Variants in VIT observed in about 807,000 individuals in gnomAD.
The protein encoded by VIT is vitrin.
In VIT, 99 loss-of-function variants were observed where a neutral mutation model predicts 78.0. That is an observed-to-expected ratio of 1.27 (90% CI 1.08 to 1.50). VIT has a LOEUF of 1.50. Ranked by LOEUF, VIT falls within the 40% of genes most tolerant of loss-of-function variation. The pLI, the probability that VIT is intolerant of heterozygous loss-of-function variation, is 0.00. For synonymous variants in VIT, 374 were observed against 334.3 expected (o/e 1.12, Z -1.29); for missense variants, 1,126 against 875.3 (o/e 1.29, Z -3.61).
rs145620869 is a variant in VIT at position 36,794,601 on chromosome 2, C to G, written c.1059-6700C>G. On this transcript the variant is annotated intron_variant, in intron 12 of 15. Coordinates refer to ENST00000379242, the MANE Select transcript of VIT (RefSeq NM_053276.4). ...TTAACAAATATTTCTTAAATGTTTG[C>G]CATGTACTGCGCCCTTGGTCATTTG... Among the ~76,000 whole-genome samples the G allele has an allele frequency of 5.1e-3, 769 of 152,232 alleles. 7 individuals carry two copies. The highest frequency in any genetic ancestry group is 0.018 in the African/African-American group (732 of 41,520).
intron 3 of VIT, among the ~76,000 whole-genome samples, chr2:36,735,212 T>A (rs1667442555): frequency 6.6e-6 from 1 of 150,532 alleles, no homozygotes; most frequent in Non-Finnish European, 1.5e-5. Context: ...GGCATGGGGG[T>A]CTTACAAAGA....
rs143002391 is a variant in VIT at position 36,805,498 on chromosome 2, G to C, written c.1223G>C (p.Gly408Ala). 21 of 1,613,820 alleles carry C rather than the reference G, an allele frequency of 1.3e-5. No individual in the cohort carries two copies. The highest frequency in any genetic ancestry group is 1.8e-5 in the Non-Finnish European group (21 of 1,179,974). Residue 408 changes from glycine (G) to alanine (A), a missense_variant, in exon 14 of 16, where the codon GGG (glycine) becomes GCG (alanine). By Grantham distance (60) the Gly-to-Ala change is moderately conservative. Transcript: ENST00000379242. Reference sequence around the variant, plus strand: ...TCCAAAGCCAATGGAAACAGAAGCGGGGCTCCCAATGTGGTGGTGGTGATG... The same window carrying C: ...TCCAAAGCCAATGGAAACAGAAGCGCGGCTCCCAATGTGGTGGTGGTGATG... ...FFSKANGNRS[G>A]APNVVVVMVD...
rs568338515 is a variant in VIT, at chr2:36,715,328, A to T, written c.-18-1025A>T. On this transcript the variant is annotated intron_variant, in intron 1 of 15. Coordinates refer to ENST00000379242, the MANE Select transcript of VIT (RefSeq NM_053276.4). The stretch of plus-strand genomic sequence containing the variant: ...GCCGAGGCAGGTGGATCACAAGGTC[A>T]GGAGTTCAAGACCACATGGCCAAGA... 5.9e-5 allele frequency among the ~76,000 whole-genome samples: 9 copies of T among 152,266 alleles called. No individual in the cohort carries two copies. In the South Asian group the frequency reaches 1.9e-3, roughly 32 times the overall value.
intron 9 of VIT, among the ~76,000 whole-genome samples, chr2:36,778,527 A>G (rs1015079258): frequency 6.6e-6 from 1 of 152,224 alleles, no homozygotes; most frequent in Non-Finnish European, 1.5e-5. Context: ...TAATGTTTCC[A>G]AGAGAAAAGG....
intron 2 of VIT, among the ~76,000 whole-genome samples, chr2:36,723,549 A>G (rs1666643783): frequency 6.6e-6 from 1 of 152,228 alleles, no homozygotes; most frequent in Non-Finnish European, 1.5e-5. Flanking sequence ...CATTTTTAAC[A>G]TTAAAAAGAT....
At position 36,814,287 on chromosome 2, in the gene VIT, G is replaced by A; in HGVS notation, c.2008G>A (p.Asp670Asn). The A allele has an allele frequency of 1.2e-6, 2 of 1,614,196 alleles. No homozygotes were observed. Among genetic ancestry groups the A allele is most frequent in the South Asian group, 2.2e-5 (2 of 91,086 alleles). The change falls in exon 16 of 16, where the codon GAC becomes AAC. Residue 670 changes from aspartate to asparagine, a missense_variant. Transcript: ENST00000379242. ...RDHSFFVDEF[D>N]NLHQYVPRII... The stretch of plus-strand genomic sequence containing the variant: ...CCACTCCTTCTTTGTGGACGAGTTT[G>A]ACAACCTCCATCAGTATGTCCCCAG...
chr2:36,718,301 A>C (rs1456252527), intron 2 of VIT, among the ~76,000 whole-genome samples: 1 of 152,112 alleles, frequency 6.6e-6, no homozygotes, highest in Admixed American at 6.5e-5. Flanking sequence ...GGACTGGAAG[A>C]GAAGAAGGTA....
intron 3 of VIT, among the ~76,000 whole-genome samples, chr2:36,729,701 T>C (rs1667077336): frequency 6.6e-6 from 1 of 152,218 alleles, no homozygotes; most frequent in Admixed American, 6.5e-5. Context: ...GTAAAGGATA[T>C]GTAGTTCCCC....
At chr2:36,716,530 A>G (rs1297541810) in intron 2 of VIT, 108 bp downstream of exon 2, 2 of 868,034 alleles carry the variant, frequency 2.3e-6, no homozygotes, top group Non-Finnish European at 3.6e-6. Context: ...TAAACAATAC[A>G]GTGTATCATT....
chr2:36,743,219 G>C lies in VIT; in HGVS notation c.238G>C (p.Ala80Pro), dbSNP rs750587836. 3.1e-6 allele frequency: 5 copies of C among 1,614,068 alleles called. No homozygotes were observed. In the East Asian group the frequency reaches 1.1e-4, roughly 36 times the overall value. Residue 80 changes from alanine (A) to proline (P), a missense_variant, in exon 4 of 16, where the codon GCA (alanine) becomes CCA (proline). Transcript: ENST00000379242. ...CCATGTTTATGGCACTGACGTGTAT[G>C]CATCCTACTCCAGTGTGTGTGGCGC... ...KYHVYGTDVY[A>P]SYSSVCGAAV...
At chr2:36,766,212 C>T (rs755122018) in intron 6 of VIT, among the ~76,000 whole-genome samples, 3 of 152,164 alleles carry the variant, frequency 2.0e-5, no homozygotes, top group East Asian at 1.9e-4. Context: ...AATCATCACA[C>T]GTGGATGAAG....
intron 4 of VIT, among the ~76,000 whole-genome samples, chr2:36,749,187 C>A (rs1201354645): frequency 6.6e-6 from 1 of 152,172 alleles, no homozygotes; most frequent in Non-Finnish European, 1.5e-5. Context: ...CCTGTATGTG[C>A]TGAGCAAGGA....
At chr2:36,774,425 G>C (rs1401011111) in intron 8 of VIT, 2 of 882,516 alleles carry the variant, frequency 2.3e-6, no homozygotes, top group African/African-American at 3.6e-5. Flanking sequence ...AGCAGGGTTT[G>C]ACGGTTTCCA....
chr2:36,774,979 C>T (rs1572517078), intron 8 of VIT, 23 bp from the exon 9 acceptor site: 2 of 1,613,222 alleles, frequency 1.2e-6, no homozygotes, highest in African/African-American at 1.3e-5. Flanking sequence ...TGTAAATCGG[C>T]TGACCCTGTG....
intron 1 of VIT, among the ~76,000 whole-genome samples, chr2:36,707,400 C>G (rs1294847365): frequency 6.6e-6 from 1 of 152,176 alleles, no homozygotes; most frequent in Non-Finnish European, 1.5e-5. Flanking sequence ...AAGAGAGGCA[C>G]CCTCTCCCCA....
At chr2:36,793,945 C>G (rs1187979180) in intron 12 of VIT, among the ~76,000 whole-genome samples, 2 of 152,168 alleles carry the variant, frequency 1.3e-5, no homozygotes, top group African/African-American at 4.8e-5. Context: ...ACCTGGATCT[C>G]CGAGCCCCAT....
intron 2 of VIT, among the ~76,000 whole-genome samples, chr2:36,717,532 G>A (rs867848935): frequency 6.6e-5 from 10 of 151,978 alleles, no homozygotes; most frequent in African/African-American, 4.8e-5. Context: ...CACCGCACCC[G>A]GCCCAGAGAT....
rs974107230 is a variant in VIT at position 36,773,855 on chromosome 2, C to T, written c.736+8C>T. The stretch of plus-strand genomic sequence containing the variant: ...GGCCCAGAGCTGATCCAGGTAAGAC[C>T]TTAAACTCCCTTTCCAGCCACTGAT... On this transcript the variant is annotated splice_region_variant and intron_variant, in intron 8 of 15. Transcript: ENST00000379242. 6.3e-6 allele frequency: 10 copies of T among 1,585,994 alleles called. No individual in the cohort carries two copies. Among genetic ancestry groups the T allele is most frequent in the Non-Finnish European group, 8.6e-6 (10 of 1,164,436 alleles).
At position 36,801,774 on chromosome 2, in the gene VIT, TG is replaced by T. The variant is rs1226281472; in HGVS notation, c.1162+371del. On this transcript the variant is annotated intron_variant, in intron 13 of 15. Transcript: ENST00000379242. ...CTGGGTGGCAGAGCGAGACTCCATC[TG>T]AAAAAAAAAAAAAAAAGGACAAAGA... 2.7e-3 allele frequency among the ~76,000 whole-genome samples: 338 copies of T among 125,276 alleles called. 1 individual carries two copies. The highest frequency in any genetic ancestry group is 0.013 in the Middle Eastern group (3 of 238). 82.2% of individuals were successfully genotyped at this position (125,276 alleles called of 152,430 possible). A position where few individuals can be genotyped will look rare whatever the true frequency, so the allele number is the denominator to read the frequency against.
Sources: gnomAD v4.1 joint callset for allele counts (sites outside exome capture counted in the v4.1 genomes callset) on GRCh38, gnomAD v4.1.1 for gene constraint, MANE v1.5 for transcripts, NCBI Gene and HGNC (gene_info 2026-07-23, HGNC 2026-07-21) for gene names.